Variants in SNTB2 observed in about 807,000 individuals in gnomAD.
SNTB2 encodes the protein syntrophin beta 2.
In SNTB2, 34 loss-of-function variants were observed where a neutral mutation model predicts 46.2. That is an observed-to-expected ratio of 0.74 (90% CI 0.56 to 0.98). The LOEUF (loss-of-function observed/expected upper bound fraction) is 0.98. SNTB2 is among the 50% of genes least tolerant of loss of function. The probability of loss-of-function intolerance (pLI) is 0.00; values close to 1 mark genes in which losing one functional copy is unlikely to be tolerated. For missense variants in SNTB2, 603 were observed against 731.4 expected, an observed-to-expected ratio of 0.82 and a Z score of 2.02; for synonymous variants, 290 against 312.6, an observed-to-expected ratio of 0.93 and a Z score of 0.76.
At chr16:69,212,734 A>T (rs1238562828) in intron 1 of SNTB2, among the ~76,000 whole-genome samples, 1 of 152,108 alleles carries the variant, frequency 6.6e-6, no homozygotes, top group Non-Finnish European at 1.5e-5. Context: ...TCCTGGGTTC[A>T]AGCGATTCTC....
chr16:69,258,802 A>C (rs982373784), intron 2 of SNTB2, among the ~76,000 whole-genome samples: 4 of 151,722 alleles, frequency 2.6e-5, no homozygotes, highest in Non-Finnish European at 5.9e-5. Context: ...TAGTAGAGAC[A>C]GGGTTTAGCC....
At chr16:69,226,386 TAA>T (rs76519163) in intron 1 of SNTB2, among the ~76,000 whole-genome samples, 23 of 128,940 alleles carry the variant, frequency 1.8e-4, no homozygotes, top group Admixed American at 2.4e-4. Flanking sequence ...TTCTTAAGAG[TAA>T]AAAAAAAAAA....
intron 5 of SNTB2, among the ~76,000 whole-genome samples, chr16:69,287,295 C>T (rs1184725466): frequency 5.3e-5 from 8 of 151,910 alleles, no homozygotes; most frequent in South Asian, 2.1e-4. Flanking sequence ...TGGGGCCGGA[C>T]GCGGTGGCTC....
intron 1 of SNTB2, among the ~76,000 whole-genome samples, chr16:69,241,696 A>G (rs943017029): frequency 2.0e-5 from 3 of 151,654 alleles, no homozygotes; most frequent in African/African-American, 2.4e-5. Flanking sequence ...TTGGGAGGCC[A>G]AGGCGGGTGG....
chr16:69,223,636 GT>G (rs367605003), intron 1 of SNTB2, among the ~76,000 whole-genome samples: 6 of 146,908 alleles, frequency 4.1e-5, no homozygotes, highest in African/African-American at 1.0e-4. Flanking sequence ...TGACAGTTTT[GT>G]TTTTTTTTTG....
chr16:69,207,728 C>T (rs1322596920), intron 1 of SNTB2, among the ~76,000 whole-genome samples: 3 of 152,116 alleles, frequency 2.0e-5, no homozygotes, highest in Non-Finnish European at 4.4e-5. Flanking sequence ...CCTACTCATG[C>T]ACATTTTCAG....
At chr16:69,222,357 C>G (rs1350221194) in intron 1 of SNTB2, among the ~76,000 whole-genome samples, 1 of 152,108 alleles carries the variant, frequency 6.6e-6, no homozygotes, top group Non-Finnish European at 1.5e-5. Flanking sequence ...CTTAGGGAGG[C>G]CAAGGTGGGT....
chr16:69,232,230 G>T (rs1387893088), intron 1 of SNTB2, among the ~76,000 whole-genome samples: 1 of 147,220 alleles, frequency 6.8e-6, no homozygotes, highest in South Asian at 2.1e-4. Flanking sequence ...TTTTGAGATG[G>T]AGTCTTGCTC....
chr16:69,235,908 T>C (rs1455693311), intron 1 of SNTB2: 2 of 1,225,774 alleles, frequency 1.6e-6, no homozygotes, highest in Non-Finnish European at 2.1e-6. Flanking sequence ...ATTAGATATA[T>C]ATAGAATTAC....
At chr16:69,198,750 A>C (rs1264700188) in intron 1 of SNTB2, among the ~76,000 whole-genome samples, 1 of 152,226 alleles carries the variant, frequency 6.6e-6, no homozygotes, top group African/African-American at 2.4e-5. Context: ...TTTCAGCATT[A>C]TAAGCAGTAT....
At chr16:69,264,740 A>G (rs1302744498) in intron 3 of SNTB2, among the ~76,000 whole-genome samples, 1 of 152,210 alleles carries the variant, frequency 6.6e-6, no homozygotes, top group Admixed American at 6.5e-5. Context: ...AAGAAACTGA[A>G]GAAGTAGAAG....
At chr16:69,199,442 G>A (rs1964138135) in intron 1 of SNTB2, among the ~76,000 whole-genome samples, 1 of 151,808 alleles carries the variant, frequency 6.6e-6, no homozygotes, top group African/African-American at 2.4e-5. Context: ...TAATTAAAGC[G>A]ATGTTGGCCT....
chr16:69,284,459 T>TAAAAAAAA (rs3087058), intron 5 of SNTB2, among the ~76,000 whole-genome samples: 7 of 45,908 alleles, frequency 1.5e-4, no homozygotes, highest in African/African-American at 5.9e-4. Flanking sequence ...CCGTCTTTAC[T>TAAAAAAAA]AAAAAAAAAA....
chr16:69,203,712 C>T (rs541411325), intron 1 of SNTB2, among the ~76,000 whole-genome samples: 1 of 152,042 alleles, frequency 6.6e-6, no homozygotes, highest in African/African-American at 2.4e-5. Context: ...TTCCATAAAC[C>T]CTCCCTTTCC....
chr16:69,210,133 C>G (rs948990433), intron 1 of SNTB2, among the ~76,000 whole-genome samples: 1 of 150,708 alleles, frequency 6.6e-6, no homozygotes, highest in Non-Finnish European at 1.5e-5. Flanking sequence ...AAGCAATTCT[C>G]CTGCCTCACC....
At position 69,227,684 on chromosome 16, in the gene SNTB2, G is replaced by T. The variant is rs549009720; in HGVS notation, c.581-17918G>T. Among the ~76,000 whole-genome samples the T allele has an allele frequency of 4.6e-5, 7 of 152,244 alleles. No individual in the cohort carries two copies. The East Asian group carries it at 1.4e-3, about 29-fold the overall frequency. ...CCTTCAGTGTCCCATTGGTCAAGTG[G>T]ACAAGACAGACAAAACAAAAACTGT... is the stretch of plus-strand genomic sequence containing the variant. On this transcript the variant is annotated intron_variant, in intron 1 of 6. Coordinates refer to ENST00000336278, the MANE Select transcript of SNTB2 (RefSeq NM_006750.4).
chr16:69,269,012 A>G (rs1485246508), intron 3 of SNTB2, among the ~76,000 whole-genome samples: 4 of 151,292 alleles, frequency 2.6e-5, no homozygotes, highest in Non-Finnish European at 5.9e-5. Flanking sequence ...TCTACTAAAA[A>G]TACAAAATTA....
intron 3 of SNTB2, among the ~76,000 whole-genome samples, chr16:69,264,525 T>C (rs1964867170): frequency 6.6e-6 from 1 of 152,108 alleles, no homozygotes. Flanking sequence ...AAACAACGGT[T>C]ATTTGGTAGA....
At chr16:69,282,991 C>G (rs1217853845) in intron 4 of SNTB2, among the ~76,000 whole-genome samples, 1 of 152,214 alleles carries the variant, frequency 6.6e-6, no homozygotes, top group African/African-American at 2.4e-5. Context: ...GTTGCCAAAG[C>G]TGGAATACAG....
Sources: gnomAD v4.1 joint callset for allele counts (sites outside exome capture counted in the v4.1 genomes callset) on GRCh38, gnomAD v4.1.1 for gene constraint, MANE v1.5 for transcripts, NCBI Gene and HGNC (gene_info 2026-07-23, HGNC 2026-07-21) for gene names.